FBXL20: variants seen among roughly 807,000 people sequenced by gnomAD.
The protein encoded by FBXL20 is F-box and leucine rich repeat protein 20, also known as F-box/LRR-repeat protein 20.
FBXL20 carries 11 observed loss-of-function variants against 64.0 expected under a neutral mutation model. The ratio of observed to expected loss-of-function variants is 0.17; its 90% confidence interval spans 0.11 to 0.28. FBXL20 has a LOEUF of 0.28. Among genes scored for constraint, FBXL20 ranks in the 10% least tolerant of loss-of-function variants. The pLI is 1.00. For synonymous variants in FBXL20, 184 were observed against 189.0 expected (o/e 0.97, Z 0.22); for missense variants, 303 against 526.2 (o/e 0.58, Z 4.15).
intron 10 of FBXL20, among the ~76,000 whole-genome samples, chr17:39,274,736 T>C (rs1199135563): frequency 2.0e-5 from 3 of 152,226 alleles, no homozygotes; most frequent in African/African-American, 7.2e-5. Context: ...GATTCTTTTT[T>C]CTAGTATGGA....
rs1439412151 is a variant in FBXL20, at chr17:39,258,677, T to A, written c.*2783A>T. The A allele has an allele frequency of 6.6e-6, 1 of 152,230 alleles. No individual in the cohort carries two copies. The highest frequency in any genetic ancestry group is 1.5e-5 in the Non-Finnish European group (1 of 68,044). The allele number at this position is 152,230 out of a possible 1,614,324, so 9.4% of individuals were successfully genotyped here. ...TAAGTAAAGAAGTACCTTAATAGCC[T>A]CAACTTAGGCAACTCAAATCCACAC... On this transcript the variant is annotated 3_prime_UTR_variant, in exon 15 of 15. Transcript: ENST00000264658.
At chr17:39,346,371 G>C (rs1449646391) in intron 1 of FBXL20, among the ~76,000 whole-genome samples, 3 of 151,990 alleles carry the variant, frequency 2.0e-5, no homozygotes, top group African/African-American at 4.8e-5. Context: ...ATAATGAATG[G>C]TTTATTAAAT....
rs559913473 is a variant in FBXL20 at position 39,370,664 on chromosome 17, G to A, written c.43-27423C>T. Among the ~76,000 whole-genome samples, 1,113 of 149,766 alleles carry A rather than the reference G, an allele frequency of 7.4e-3. 8 individuals carry two copies. The highest frequency in any genetic ancestry group is 0.012 in the Non-Finnish European group (816 of 67,432). Reference sequence around the variant, plus strand: ...CAAAAAATTAGCCGGGCGTGGTAGCGGGCGCCTGTAGTCCCAGCTACTCGG... The same window carrying A: ...CAAAAAATTAGCCGGGCGTGGTAGCAGGCGCCTGTAGTCCCAGCTACTCGG... On this transcript the variant is annotated intron_variant, in intron 1 of 14. Transcript: ENST00000264658.
At chr17:39,302,546 TG>T (rs2047146463) in intron 3 of FBXL20, among the ~76,000 whole-genome samples, 1 of 152,158 alleles carries the variant, frequency 6.6e-6, no homozygotes, top group African/African-American at 2.4e-5. Context: ...GCTAATTTTT[TG>T]TATTTTTAGT....
At chr17:39,392,052 G>A (rs1210847278) in intron 1 of FBXL20, among the ~76,000 whole-genome samples, 1 of 151,990 alleles carries the variant, frequency 6.6e-6, no homozygotes, top group Admixed American at 6.6e-5. Context: ...CAGGAGAATC[G>A]CATGAACGCA....
At position 39,374,047 on chromosome 17, in the gene FBXL20, C is replaced by G. The variant is rs563378336; in HGVS notation, c.42+27314G>C. Among the ~76,000 whole-genome samples the G allele has an allele frequency of 1.1e-4, 16 of 151,814 alleles. No homozygotes were observed. In the East Asian group the frequency reaches 2.9e-3, roughly 28 times the overall value. ...GACAAGCCTGGCCAACATGGCTAGA[C>G]CCCACCTCTACTAAAAATACAAAAA... On this transcript the variant is annotated intron_variant, in intron 1 of 14. Coordinates refer to ENST00000264658, the MANE Select transcript of FBXL20 (RefSeq NM_032875.3).
chr17:39,387,838 A>C (rs1040946255), intron 1 of FBXL20, among the ~76,000 whole-genome samples: 2 of 152,084 alleles, frequency 1.3e-5, no homozygotes, highest in Non-Finnish European at 2.9e-5. Context: ...TTGGTCTCGC[A>C]AAGTGCTGGG....
At chr17:39,371,926 T>C (rs573164080) in intron 1 of FBXL20, among the ~76,000 whole-genome samples, 1 of 152,174 alleles carries the variant, frequency 6.6e-6, no homozygotes, top group Non-Finnish European at 1.5e-5. Flanking sequence ...TATAGACTTC[T>C]GGAAAGTGAC....
intron 1 of FBXL20, among the ~76,000 whole-genome samples, chr17:39,344,982 A>G (rs2047618958): frequency 6.6e-6 from 1 of 152,186 alleles, no homozygotes; most frequent in South Asian, 2.1e-4. Context: ...TTTTTGCCAC[A>G]AAGGAGATCA....
chr17:39,317,701 GTTTTTTT>G (rs1238194174), intron 2 of FBXL20, among the ~76,000 whole-genome samples: 1,976 of 44,282 alleles, frequency 0.045, 70 homozygotes, highest in African/African-American at 0.17. Flanking sequence ...TTTTTTTTTT[GTTTTTTT>G]TTTTTTTTTT....
chr17:39,367,681 T>G (rs939341776), intron 1 of FBXL20, among the ~76,000 whole-genome samples: 1 of 152,098 alleles, frequency 6.6e-6, no homozygotes, highest in African/African-American at 2.4e-5. Flanking sequence ...CTTCCAAATT[T>G]TTACTAATTC....
chr17:39,333,349 G>C lies in FBXL20; in HGVS notation c.104+9831C>G, dbSNP rs968119276. ...TTTGGTGGAGACGGGGTTTCCCCGT[G>C]TTGGCCGGGCTGGTCTCCAGCTCCT... On this transcript the variant is annotated intron_variant, in intron 2 of 14. Coordinates refer to ENST00000264658, the MANE Select transcript of FBXL20 (RefSeq NM_032875.3). 1.7e-4 allele frequency among the ~76,000 whole-genome samples: 26 copies of C among 152,248 alleles called. 1 individual carries two copies. The highest frequency in any genetic ancestry group is 8.8e-5 in the Non-Finnish European group (6 of 68,050).
chr17:39,284,689 G>A (rs902440197), intron 7 of FBXL20, among the ~76,000 whole-genome samples: 1 of 151,902 alleles, frequency 6.6e-6, no homozygotes, highest in African/African-American at 2.4e-5. Flanking sequence ...TGGCCTCAGG[G>A]ACCCTTTTTA....
chr17:39,375,150 T>C (rs1378578483), intron 1 of FBXL20, among the ~76,000 whole-genome samples: 1 of 152,084 alleles, frequency 6.6e-6, no homozygotes, highest in African/African-American at 2.4e-5. Context: ...ATCAGTGACT[T>C]TAGTGGTTAA....
rs1037941865 is a variant in FBXL20 at position 39,346,925 on chromosome 17, G to T, written c.43-3684C>A. On this transcript the variant is annotated intron_variant, in intron 1 of 14. Coordinates refer to ENST00000264658, the MANE Select transcript of FBXL20 (RefSeq NM_032875.3). ...TTCTCATTGTTCAATTCCCATCTAT[G>T]AGTGAGAACATGTGGTGTTTGGTTT... is the stretch of plus-strand genomic sequence containing the variant. Among the ~76,000 whole-genome samples the T allele has an allele frequency of 4.7e-5, 7 of 147,676 alleles. No individual in the cohort carries two copies. In the Admixed American group the frequency reaches 5.0e-4, roughly 10 times the overall value.
chr17:39,376,246 G>C (rs1326216288), intron 1 of FBXL20, among the ~76,000 whole-genome samples: 2 of 152,152 alleles, frequency 1.3e-5, no homozygotes, highest in Non-Finnish European at 1.5e-5. Context: ...TGGAAAACCA[G>C]CTCAAAACGT....
At chr17:39,352,537 C>T (rs1192841051) in intron 1 of FBXL20, among the ~76,000 whole-genome samples, 5 of 151,632 alleles carry the variant, frequency 3.3e-5, no homozygotes, top group East Asian at 1.9e-4. Flanking sequence ...AAAAATCAGC[C>T]GGGTGTGGTA....
rs140468272 is a variant in FBXL20, at chr17:39,368,291, C to A, written c.43-25050G>T. ...CCTGTAGTCCTAGCTACTCAGGAGG[C>A]TAAGGCAGGAGGATCACTTGAGCCC... On this transcript the variant is annotated intron_variant, in intron 1 of 14. Coordinates refer to ENST00000264658, the MANE Select transcript of FBXL20 (RefSeq NM_032875.3). Among the ~76,000 whole-genome samples the A allele has an allele frequency of 1.9e-3, 295 of 152,188 alleles. 2 individuals are homozygous for A. Among genetic ancestry groups the A allele is most frequent in the African/African-American group, 6.8e-3 (282 of 41,532 alleles).
chr17:39,378,260 G>T (rs1208328247), intron 1 of FBXL20, among the ~76,000 whole-genome samples: 1 of 152,146 alleles, frequency 6.6e-6, no homozygotes, highest in Non-Finnish European at 1.5e-5. Flanking sequence ...TGATATGAAT[G>T]TATCCAAAAC....
Sources: allele counts gnomAD v4.1 joint callset (sites outside exome capture counted in the v4.1 genomes callset), GRCh38; gene constraint gnomAD v4.1.1; transcripts MANE v1.5; gene names NCBI Gene and HGNC (gene_info 2026-07-23, HGNC 2026-07-21).